Variants in RPH3A observed in about 807,000 individuals in gnomAD.
RPH3A encodes the protein rabphilin 3A.
A neutral mutation model predicts 102.2 loss-of-function variants in RPH3A; 48 were observed. The ratio of observed to expected loss-of-function variants is 0.47; its 90% CI spans 0.37 to 0.60. The LOEUF (loss-of-function observed/expected upper bound fraction) is 0.60. Among genes scored for constraint, RPH3A ranks in the 20% least tolerant of loss-of-function variants. RPH3A has a pLI of 0.00. For synonymous variants in RPH3A, 310 were observed against 324.3 expected, an observed-to-expected ratio of 0.96 and a Z score of 0.47; for missense variants, 781 against 910.1, an observed-to-expected ratio of 0.86 and a Z score of 1.83.
chr12:112,800,349 G>A (rs2041318262), intron 2 of RPH3A, among the ~76,000 whole-genome samples: 1 of 152,162 alleles, frequency 6.6e-6, no homozygotes, highest in Non-Finnish European at 1.5e-5. Context: ...GGCCCCAAGG[G>A]ACAGACAGTC....
intron 1 of RPH3A, among the ~76,000 whole-genome samples, chr12:112,723,622 T>C (rs569405427): frequency 1.3e-5 from 2 of 152,334 alleles, no homozygotes; most frequent in South Asian, 4.1e-4. Flanking sequence ...TTTATGGTAT[T>C]GCACCAAACA....
intron 1 of RPH3A, among the ~76,000 whole-genome samples, chr12:112,764,600 A>C (rs1718344389): frequency 6.6e-6 from 1 of 152,222 alleles, no homozygotes; most frequent in Non-Finnish European, 1.5e-5. Flanking sequence ...AATATGTCAA[A>C]GCAATATATT....
At chr12:112,876,541 C>A in intron 12 of RPH3A, 101 bp from the exon 13 acceptor site, 1 of 828,662 alleles carries the variant, frequency 1.2e-6, no homozygotes, top group Non-Finnish European at 1.9e-6. Flanking sequence ...CCACTGATTC[C>A]GGGTGAAGCC....
chr12:112,774,063 C>CAAAAA (rs11375355), intron 1 of RPH3A, among the ~76,000 whole-genome samples: 2 of 108,412 alleles, frequency 1.8e-5, no homozygotes, highest in South Asian at 3.1e-4. Context: ...CCAGCCTGGG[C>CAAAAA]AAAAAAAAAA....
chr12:112,763,067 A>G (rs1349412910), intron 1 of RPH3A, among the ~76,000 whole-genome samples: 2 of 152,214 alleles, frequency 1.3e-5, no homozygotes, highest in Non-Finnish European at 2.9e-5. Context: ...ATCCTCTAAG[A>G]TGAAACTCTG....
intron 10 of RPH3A, 107 bp from the exon 11 acceptor site, chr12:112,874,977 G>C: frequency 1.2e-6 from 1 of 841,612 alleles, no homozygotes; most frequent in Non-Finnish European, 1.8e-6. Flanking sequence ...TGCCTCCAGT[G>C]AAAGTCCAAG....
intron 1 of RPH3A, among the ~76,000 whole-genome samples, chr12:112,593,721 A>G (rs1255797926): frequency 6.6e-6 from 1 of 152,206 alleles, no homozygotes; most frequent in African/African-American, 2.4e-5. Flanking sequence ...TATTATCCAC[A>G]TCTAAAGATA....
At chr12:112,783,519 T>C (rs2136079426) in intron 1 of RPH3A, among the ~76,000 whole-genome samples, 1 of 152,312 alleles carries the variant, frequency 6.6e-6, no homozygotes, top group South Asian at 2.1e-4. Flanking sequence ...GTCTTAGTCA[T>C]TTTGGTATCT....
At chr12:112,681,972 T>G (rs879843053) in intron 1 of RPH3A, among the ~76,000 whole-genome samples, 5 of 152,252 alleles carry the variant, frequency 3.3e-5, no homozygotes, top group Admixed American at 2.0e-4. Flanking sequence ...TCATTCTTTT[T>G]GCCCCTTGGT....
At chr12:112,597,335 C>A (rs574489790) in intron 1 of RPH3A, among the ~76,000 whole-genome samples, 1 of 152,252 alleles carries the variant, frequency 6.6e-6, no homozygotes, top group Admixed American at 6.5e-5. Context: ...ATAATCCCAG[C>A]ATTTTGGGGG....
At chr12:112,824,231 G>A (rs975619012) in intron 2 of RPH3A, among the ~76,000 whole-genome samples, 9 of 152,212 alleles carry the variant, frequency 5.9e-5, no homozygotes, top group African/African-American at 1.4e-4. Flanking sequence ...GCACACAGCC[G>A]TCTTGCCCTA....
intron 1 of RPH3A, among the ~76,000 whole-genome samples, chr12:112,590,836 C>G (rs913165128): frequency 6.6e-6 from 1 of 152,198 alleles, no homozygotes; most frequent in Non-Finnish European, 1.5e-5. Flanking sequence ...GAGATGCGGT[C>G]TCACTCTGTT....
chr12:112,611,279 G>A (rs1340250212), intron 1 of RPH3A, among the ~76,000 whole-genome samples: 1 of 152,176 alleles, frequency 6.6e-6, no homozygotes, highest in Non-Finnish European at 1.5e-5. Flanking sequence ...CAGCTCCCTG[G>A]TTTTATGAGT....
intron 1 of RPH3A, among the ~76,000 whole-genome samples, chr12:112,657,997 A>C (rs2040024522): frequency 6.6e-6 from 1 of 152,064 alleles, no homozygotes; most frequent in Non-Finnish European, 1.5e-5. Flanking sequence ...AGTGTAACTG[A>C]GGCAGTGTGA....
At chr12:112,703,772 C>T (rs1345709972) in intron 1 of RPH3A, among the ~76,000 whole-genome samples, 2 of 152,182 alleles carry the variant, frequency 1.3e-5, no homozygotes, top group African/African-American at 4.8e-5. Flanking sequence ...ACCCCAAAAC[C>T]TTTAAAAACC....
chr12:112,855,992 T>C (rs977693265), intron 5 of RPH3A, among the ~76,000 whole-genome samples: 30 of 152,186 alleles, frequency 2.0e-4, no homozygotes, highest in African/African-American at 7.0e-4. Context: ...TCTCCCACTT[T>C]GCTGCGTTTT....
At chr12:112,744,201 G>A (rs906496940) in intron 1 of RPH3A, among the ~76,000 whole-genome samples, 4 of 151,996 alleles carry the variant, frequency 2.6e-5, no homozygotes, top group African/African-American at 4.8e-5. Context: ...CCAGCCTCCC[G>A]AGTAGCTGGG....
intron 1 of RPH3A, among the ~76,000 whole-genome samples, chr12:112,752,240 A>G (rs370375817): frequency 1.3e-5 from 2 of 152,276 alleles, no homozygotes; most frequent in South Asian, 2.1e-4. Flanking sequence ...TAAATGTAAG[A>G]TTCGTTTTCA....
intron 4 of RPH3A, among the ~76,000 whole-genome samples, chr12:112,841,173 T>TAAAAAAAAAAAAAAAAAAAAAAAAAAAA (rs11447068): frequency 3.9e-4 from 13 of 33,352 alleles, no homozygotes; most frequent in South Asian, 1.4e-3. Context: ...CCTTGTTTCT[T>TAAAAAAAAAAAAAAAAAAAAAAAAAAAA]AAAAAAAAAA....
Sources: gnomAD v4.1 joint callset for allele counts (sites outside exome capture counted in the v4.1 genomes callset) on GRCh38, gnomAD v4.1.1 for gene constraint, MANE v1.5 for transcripts, NCBI Gene and HGNC (gene_info 2026-07-23, HGNC 2026-07-21) for gene names.